Variants in SND1 observed in about 807,000 individuals in gnomAD.
SND1 encodes staphylococcal nuclease and tudor domain containing 1.
Under a neutral mutation model 121.7 loss-of-function variants are expected in SND1, and 38 were observed. The ratio of observed to expected loss-of-function variants is 0.31; its 90% CI spans 0.24 to 0.41. The LOEUF is 0.41. Ranked by LOEUF, SND1 falls within the 10% of genes least tolerant of loss-of-function variation. The pLI, the probability that SND1 is intolerant of heterozygous loss-of-function variation, is 1.00. For missense variants in SND1, 868 were observed against 1,184.6 expected (o/e 0.73, Z 3.92); for synonymous variants, 401 against 447.4 (o/e 0.90, Z 1.31).
intron 16 of SND1, among the ~76,000 whole-genome samples, chr7:128,070,148 C>T (rs763034011): frequency 1.3e-4 from 20 of 152,240 alleles, no homozygotes; most frequent in Non-Finnish European, 2.5e-4. Flanking sequence ...AGGCTGTTCG[C>T]TTCTTAACCA....
At chr7:127,712,915 A>T (rs1796322148) in intron 9 of SND1, among the ~76,000 whole-genome samples, 1 of 152,152 alleles carries the variant, frequency 6.6e-6, no homozygotes, top group Non-Finnish European at 1.5e-5. Flanking sequence ...GTAGTTGAGA[A>T]TTTTTTTCGT....
chr7:128,084,778 C>A lies in SND1; in HGVS notation c.2165C>A (p.Pro722His). The A allele has an allele frequency of 6.2e-7, 1 of 1,610,870 alleles. No individual in the cohort carries two copies. Among genetic ancestry groups the A allele is most frequent in the Non-Finnish European group, 8.5e-7 (1 of 1,177,884 alleles). The change falls in exon 19 of 24, where the codon CCC becomes CAC. Residue 722 changes from proline (P) to histidine (H), a missense_variant. Coordinates refer to ENST00000354725, the MANE Select transcript of SND1 (RefSeq NM_014390.4). ...ENMRNDIASHPPVEGSYAPRR... is the reference protein window; with the variant it reads ...ENMRNDIASHHPVEGSYAPRR... The stretch of plus-strand genomic sequence containing the variant: ...ATGCGCAATGACATTGCCAGTCACC[C>A]CCCTGTAGAGGGCTCCTATGCCCCC...
chr7:127,771,683 A>G (rs923766451), intron 10 of SND1, among the ~76,000 whole-genome samples: 2 of 152,196 alleles, frequency 1.3e-5, no homozygotes, highest in African/African-American at 4.8e-5. Context: ...TGAATTTGAG[A>G]TGAAACTTAG....
intron 16 of SND1, chr7:128,027,335 C>T (rs1803505069): frequency 6.8e-6 from 1 of 147,420 alleles, no homozygotes; most frequent in East Asian, 2.2e-4. Context: ...AGGGAAGCTT[C>T]CCATCAGTGT....
chr7:127,830,463 T>C (rs1191782391), intron 11 of SND1, among the ~76,000 whole-genome samples: 1 of 152,194 alleles, frequency 6.6e-6, no homozygotes, highest in Non-Finnish European at 1.5e-5. Flanking sequence ...TAAGCCCTTC[T>C]ACAGTGCCAA....
At chr7:127,774,813 A>G (rs1459775326) in intron 10 of SND1, among the ~76,000 whole-genome samples, 1 of 152,124 alleles carries the variant, frequency 6.6e-6, no homozygotes, top group African/African-American at 2.4e-5. Flanking sequence ...TCCTGACCTC[A>G]GGTGATCTGC....
rs1162460449 is a variant in SND1, at chr7:128,029,457, G to A, written c.1779+38401G>A. On this transcript the variant is annotated intron_variant, in intron 16 of 23. Transcript: ENST00000354725. This position sits in a 1 kb window ranked among gnomAD's most constrained non-coding sequence, Gnocchi z 4.2. The stretch of plus-strand genomic sequence containing the variant: ...GACAGAGATCCTTGGGTGGCGGGAG[G>A]CGTGGCTGAGCACTGTCCCATTGGG... 6.2e-7 allele frequency: 1 copy of A among 1,614,194 alleles called. No individual in the cohort carries two copies. Among genetic ancestry groups the A allele is most frequent in the Admixed American group, 1.7e-5 (1 of 60,024 alleles).
chr7:128,088,944 G>A (rs1232246721), intron 21 of SND1, among the ~76,000 whole-genome samples: 1 of 152,112 alleles, frequency 6.6e-6, no homozygotes, highest in Non-Finnish European at 1.5e-5. Flanking sequence ...GAAAGAAAGG[G>A]GTCACTTGCA....
chr7:127,929,747 G>A (rs569975261), intron 15 of SND1, among the ~76,000 whole-genome samples: 94 of 152,148 alleles, frequency 6.2e-4, no homozygotes, highest in Non-Finnish European at 1.0e-3. Flanking sequence ...TCCCCAAGCA[G>A]TGCCCTTTGT....
intron 16 of SND1, among the ~76,000 whole-genome samples, chr7:128,037,708 G>A (rs1792775491): frequency 6.6e-6 from 1 of 152,180 alleles, no homozygotes; most frequent in African/African-American, 2.4e-5. Flanking sequence ...GGAGCTGTGT[G>A]GCTGTTGGGT....
intron 10 of SND1, among the ~76,000 whole-genome samples, chr7:127,735,702 C>T (rs1045050065): frequency 6.6e-6 from 1 of 152,204 alleles, no homozygotes; most frequent in Non-Finnish European, 1.5e-5. Context: ...TCTTGGCTCA[C>T]TGCAACTTCC....
intron 16 of SND1, among the ~76,000 whole-genome samples, chr7:128,023,419 G>C (rs934426337): frequency 4.6e-5 from 7 of 152,194 alleles, no homozygotes; most frequent in Non-Finnish European, 7.3e-5. Flanking sequence ...ACATTAGGAA[G>C]TTTACCTTCT....
chr7:127,970,440 T>C (rs2116884755), intron 15 of SND1, among the ~76,000 whole-genome samples: 1 of 152,364 alleles, frequency 6.6e-6, no homozygotes, highest in South Asian at 2.1e-4. Context: ...TCTCCAGCTA[T>C]AACATTTTGT....
intron 15 of SND1, among the ~76,000 whole-genome samples, chr7:127,952,588 G>A (rs1039894094): frequency 1.3e-5 from 2 of 149,910 alleles, no homozygotes; most frequent in African/African-American, 2.4e-5. Flanking sequence ...CAGTAGATCC[G>A]TTAGCCACTG....
chr7:128,081,899 GCCCGTTT>G, intron 18 of SND1: 1 of 537,566 alleles, frequency 1.9e-6, no homozygotes, highest in Non-Finnish European at 3.8e-6. Context: ...GCATTGCTCA[GCCCGTTT>G]CCCTCTGGGG....
chr7:127,957,936 A>G (rs930570461), intron 15 of SND1, among the ~76,000 whole-genome samples: 1 of 152,180 alleles, frequency 6.6e-6, no homozygotes, highest in African/African-American at 2.4e-5. Flanking sequence ...TCCTTGCCTC[A>G]AGCATTCCAC....
chr7:127,686,498 C>T lies in SND1; in HGVS notation c.79-115C>T, dbSNP rs1795814504. 21 of 1,093,800 alleles carry T rather than the reference C, an allele frequency of 1.9e-5. No homozygotes were observed. In the South Asian group the frequency reaches 3.2e-4, roughly 17 times the overall value. 67.8% of individuals were successfully genotyped at this position (1,093,800 alleles called of 1,614,324 possible). A position where few individuals can be genotyped will look rare whatever the true frequency, so the allele number is the denominator to read the frequency against. Reference sequence around the variant, plus strand: ...TTTAGTCATTCAACAGATGACTTTGCATGCCTTTGAAGTGCAAATGCTATT... The same window carrying T: ...TTTAGTCATTCAACAGATGACTTTGTATGCCTTTGAAGTGCAAATGCTATT... On this transcript the variant is annotated intron_variant, in intron 1 of 23. Transcript: ENST00000354725.
At chr7:127,692,476 T>G (rs1270208013) in intron 2 of SND1, 1 of 152,258 alleles carries the variant, frequency 6.6e-6, no homozygotes, top group African/African-American at 2.4e-5. Context: ...TGAGCAAGCT[T>G]CTGTTAGGAT....
At chr7:128,011,101 C>G (rs61180975) in intron 16 of SND1, among the ~76,000 whole-genome samples, 2,042 of 151,564 alleles carry the variant, frequency 0.013, 55 homozygotes, top group African/African-American at 0.047. Flanking sequence ...CGCACACTGT[C>G]CCCCCCACCC....
Sources: allele counts gnomAD v4.1 joint callset (sites outside exome capture counted in the v4.1 genomes callset), GRCh38; gene constraint gnomAD v4.1.1; non-coding constraint Gnocchi (gnomAD v3.1); transcripts MANE v1.5; gene names NCBI Gene and HGNC (gene_info 2026-07-23, HGNC 2026-07-21).